MAPK9: variants seen among roughly 807,000 people sequenced by gnomAD.
MAPK9 encodes Jun kinase.
Under a neutral mutation model 57.1 loss-of-function variants are expected in MAPK9, and 30 were observed. The observed-to-expected ratio is 0.53, with a 90% CI of 0.39 to 0.71. The LOEUF is 0.71. MAPK9 is among the 30% of genes least tolerant of loss of function. The pLI is 0.00. For synonymous variants in MAPK9, 155 were observed against 177.0 expected, an observed-to-expected ratio of 0.88 and a Z score of 0.99; for missense variants, 362 against 521.0, an observed-to-expected ratio of 0.69 and a Z score of 2.97.
intron 7 of MAPK9, among the ~76,000 whole-genome samples, chr5:180,243,246 G>T (rs1757799340): frequency 6.6e-6 from 1 of 152,142 alleles, no homozygotes. Context: ...ACTGAGCCCA[G>T]CGACAGCTTT....
intron 3 of MAPK9, 84 bp downstream of exon 3, chr5:180,269,196 C>T: frequency 1.4e-6 from 2 of 1,394,360 alleles, no homozygotes; most frequent in Non-Finnish European, 2.0e-6. Context: ...TAGGTCTGAA[C>T]TCAATGTATC....
At chr5:180,283,799 G>C (rs1762508499) in intron 1 of MAPK9, among the ~76,000 whole-genome samples, 1 of 152,164 alleles carries the variant, frequency 6.6e-6, no homozygotes, top group South Asian at 2.1e-4. Context: ...AGCCGGGTGT[G>C]GTAGTGCGTG....
intron 5 of MAPK9, among the ~76,000 whole-genome samples, chr5:180,259,710 G>C (rs1759714984): frequency 6.6e-6 from 1 of 152,140 alleles, no homozygotes; most frequent in Non-Finnish European, 1.5e-5. Flanking sequence ...GAAACCCTTT[G>C]ACTATAAGGA....
intron 1 of MAPK9, 105 bp from the exon 2 acceptor site, chr5:180,280,713 G>T: frequency 1.2e-6 from 1 of 856,190 alleles, no homozygotes; most frequent in Non-Finnish European, 1.7e-6. Context: ...GTGGCTGTAA[G>T]TTGATAAAGT....
At chr5:180,256,892 C>T (rs1387859578) in intron 5 of MAPK9, among the ~76,000 whole-genome samples, 1 of 152,090 alleles carries the variant, frequency 6.6e-6, no homozygotes, top group Non-Finnish European at 1.5e-5. Flanking sequence ...GACTAATAAT[C>T]TGGGAAATTA....
intron 3 of MAPK9, among the ~76,000 whole-genome samples, chr5:180,265,190 G>C (rs1009187349): frequency 1.3e-5 from 2 of 152,172 alleles, no homozygotes; most frequent in African/African-American, 4.8e-5. Flanking sequence ...TTTCTAAAAA[G>C]GTTTGAAATA....
At position 180,247,179 on chromosome 5, in the gene MAPK9, G is replaced by T; in HGVS notation, c.688+260C>A. Reference sequence around the variant, plus strand: ...TCTTCTATGTGTCCAGCTATTTTTGGCAAAATTAAGAGCTAATATAATCGG... The same window carrying T: ...TCTTCTATGTGTCCAGCTATTTTTGTCAAAATTAAGAGCTAATATAATCGG... On this transcript the variant is annotated intron_variant, in intron 7 of 11. Transcript: ENST00000452135. The surrounding 1 kb of genome is among the most constrained non-coding windows in gnomAD (Gnocchi z 4.5). 2 of 506,756 alleles carry T rather than the reference G, an allele frequency of 3.9e-6. No homozygotes were observed. The highest frequency in any genetic ancestry group is 6.9e-6 in the Non-Finnish European group (2 of 288,634). 31.4% of individuals were successfully genotyped at this position (506,756 alleles called of 1,614,324 possible).
intron 1 of MAPK9, among the ~76,000 whole-genome samples, chr5:180,282,011 C>T (rs1017559779): frequency 2.0e-5 from 3 of 152,244 alleles, no homozygotes; most frequent in Non-Finnish European, 4.4e-5. Context: ...CTAGCCCACA[C>T]TGCTGTGAGA....
intron 5 of MAPK9, among the ~76,000 whole-genome samples, chr5:180,252,519 G>A (rs1435972555): frequency 6.6e-6 from 1 of 152,140 alleles, no homozygotes; most frequent in Non-Finnish European, 1.5e-5. Flanking sequence ...CCCACCCCGG[G>A]CCCTGCAGGG....
At chr5:180,271,327 A>T (rs1350056719) in intron 2 of MAPK9, among the ~76,000 whole-genome samples, 1 of 152,190 alleles carries the variant, frequency 6.6e-6, no homozygotes, top group Non-Finnish European at 1.5e-5. Context: ...TCACTCAAAG[A>T]ATACATTGTT....
Position 180,241,389 on chromosome 5 carries a change from C to T in MAPK9, c.872-234G>A, listed in dbSNP as rs139261265. On this transcript the variant is annotated intron_variant, in intron 8 of 11. Coordinates refer to ENST00000452135, the MANE Select transcript of MAPK9 (RefSeq NM_002752.5). ...CTTGGCTCACTGCAAGTTCCACCTC[C>T]CGGGTTCACGCCATTCTCCTACCTC... 2.5e-4 allele frequency among the ~76,000 whole-genome samples: 38 copies of T among 152,094 alleles called. 1 individual carries two copies. The East Asian group carries it at 7.2e-3, about 29-fold the overall frequency.
At chr5:180,280,372 G>GAC (rs1185146100) in intron 2 of MAPK9, 68 bp downstream of exon 2, 1 of 1,556,288 alleles carries the variant, frequency 6.4e-7, no homozygotes, top group African/African-American at 1.4e-5. Context: ...TCTAAATCCT[G>GAC]ACACTTTAGT....
intron 3 of MAPK9, among the ~76,000 whole-genome samples, chr5:180,265,357 T>C (rs767691285): frequency 7.2e-5 from 11 of 152,140 alleles, no homozygotes; most frequent in East Asian, 5.8e-4. Context: ...TCATCTTGAA[T>C]TGTAATCCCC....
chr5:180,270,131 T>C lies in MAPK9; in HGVS notation c.123-722A>G, dbSNP rs35150311. On this transcript the variant is annotated intron_variant, in intron 2 of 11. Transcript: ENST00000452135. ...GATTACACATTTTTAGGTTTCAAACTGGTACTAAATAGTATCATTTGTATT... is the reference window on the plus strand; with the variant it reads ...GATTACACATTTTTAGGTTTCAAACCGGTACTAAATAGTATCATTTGTATT... Among the ~76,000 whole-genome samples, 22 of 152,372 alleles carry C rather than the reference T, an allele frequency of 1.4e-4. No individual in the cohort carries two copies. In the East Asian group the frequency reaches 3.7e-3, roughly 25 times the overall value.
chr5:180,266,083 T>C (rs17627815), intron 3 of MAPK9, among the ~76,000 whole-genome samples: 22,588 of 146,940 alleles, frequency 0.15, 2,258 homozygotes, highest in Non-Finnish European at 0.22. Flanking sequence ...TAAAGGGCAA[T>C]AGTTTTAATA....
At chr5:180,263,531 G>A (rs1407382958) in intron 4 of MAPK9, among the ~76,000 whole-genome samples, 1 of 151,884 alleles carries the variant, frequency 6.6e-6, no homozygotes, top group Admixed American at 6.6e-5. Context: ...TCCTTACAAC[G>A]GCCTAGAGGC....
At chr5:180,289,983 G>A (rs930981684) in intron 1 of MAPK9, among the ~76,000 whole-genome samples, 1 of 152,052 alleles carries the variant, frequency 6.6e-6, no homozygotes, top group African/African-American at 2.4e-5. Flanking sequence ...AGCCTCCCAA[G>A]CAGCTAGGAC....
chr5:180,272,935 C>CAT (rs1761478150), intron 2 of MAPK9, among the ~76,000 whole-genome samples: 2 of 152,080 alleles, frequency 1.3e-5, no homozygotes, highest in African/African-American at 2.4e-5. Flanking sequence ...ATTTGTACAG[C>CAT]TGCCAGCAGT....
chr5:180,249,901 C>T (rs549694680), intron 5 of MAPK9, among the ~76,000 whole-genome samples: 18 of 152,306 alleles, frequency 1.2e-4, no homozygotes, highest in Admixed American at 3.3e-4. Flanking sequence ...CTGAGTGCTC[C>T]ACAGCCTCCT....
Sources: gnomAD v4.1 joint callset for allele counts (sites outside exome capture counted in the v4.1 genomes callset) on GRCh38, gnomAD v4.1.1 for gene constraint, Gnocchi (gnomAD v3.1) non-coding constraint, MANE v1.5 for transcripts, NCBI Gene and HGNC (gene_info 2026-07-23, HGNC 2026-07-21) for gene names.